Variants in AP2B1 observed in about 807,000 individuals in gnomAD.
The protein encoded by AP2B1 is adaptor related protein complex 2 subunit beta 1.
AP2B1 carries 23 observed loss-of-function variants against 102.0 expected under a neutral mutation model. That is an observed-to-expected ratio of 0.23 (90% CI 0.16 to 0.32). The LOEUF (loss-of-function observed/expected upper bound fraction) is 0.32, where lower values mean the gene tolerates loss of function less well. AP2B1 is among the 10% of genes least tolerant of loss of function. The pLI is 1.00. For synonymous variants in AP2B1, 381 were observed against 421.2 expected (o/e 0.90, Z 1.17); for missense variants, 541 against 1,157.4 (o/e 0.47, Z 7.73).
At chr17:35,651,082 A>C (rs962277477) in intron 13 of AP2B1, 1 of 286,396 alleles carries the variant, frequency 3.5e-6, no homozygotes, top group East Asian at 7.2e-5. Flanking sequence ...TTCTAAATTG[A>C]TAAAGTCTGA....
chr17:35,725,538 T>C lies in AP2B1; in HGVS notation c.*1839T>C, dbSNP rs1190905643. The C allele has an allele frequency of 6.6e-6, 1 of 151,678 alleles. No individual in the cohort carries two copies. The highest frequency in any genetic ancestry group is 1.5e-5 in the Non-Finnish European group (1 of 67,962). The allele number at this position is 151,678 out of a possible 1,614,324, so 9.4% of individuals were successfully genotyped here. A position where few individuals can be genotyped will look rare whatever the true frequency, so the allele number is the denominator to read the frequency against. ...ACCTTGAGAATCTCCAAGAGAAAAA[T>C]ATTTGGGGAAGGAGGGAGGAAATAT... On this transcript the variant is annotated 3_prime_UTR_variant, in exon 22 of 22. Coordinates refer to ENST00000610402, the MANE Select transcript of AP2B1 (RefSeq NM_001030006.2).
At chr17:35,686,932 G>A (rs1282753532) in intron 18 of AP2B1, among the ~76,000 whole-genome samples, 4 of 152,118 alleles carry the variant, frequency 2.6e-5, no homozygotes, top group Non-Finnish European at 4.4e-5. Flanking sequence ...AGCTGAGATC[G>A]CGCCACTGCA....
chr17:35,717,097 G>C, intron 20 of AP2B1, 98 bp from the exon 21 acceptor site: 1 of 1,349,818 alleles, frequency 7.4e-7, no homozygotes. Flanking sequence ...TACTTGTCAG[G>C]GAACTGAACA....
At chr17:35,619,296 C>T (rs988029451) in intron 5 of AP2B1, among the ~76,000 whole-genome samples, 1 of 152,156 alleles carries the variant, frequency 6.6e-6, no homozygotes, top group Non-Finnish European at 1.5e-5. Context: ...TCTTTTATCT[C>T]TGTAAAACTC....
intron 19 of AP2B1, 149 bp from the exon 20 acceptor site, chr17:35,710,085 T>G (rs1218872607): frequency 8.8e-6 from 6 of 680,914 alleles, no homozygotes; most frequent in Non-Finnish European, 1.6e-5. Context: ...ATAGCACTTT[T>G]GTAGAGCTCA....
At chr17:35,611,389 T>C (rs558394802) in intron 5 of AP2B1, among the ~76,000 whole-genome samples, 2 of 152,224 alleles carry the variant, frequency 1.3e-5, no homozygotes, top group Non-Finnish European at 2.9e-5. Flanking sequence ...TCTATGCTAA[T>C]GTAAATTCTT....
intron 9 of AP2B1, among the ~76,000 whole-genome samples, chr17:35,634,946 T>A (rs1208147286): frequency 1.3e-5 from 2 of 152,178 alleles, no homozygotes; most frequent in African/African-American, 4.8e-5. Flanking sequence ...TACTTCTATC[T>A]CCTGGCCATC....
intron 9 of AP2B1, among the ~76,000 whole-genome samples, chr17:35,631,082 A>G (rs2074448386): frequency 6.6e-6 from 1 of 152,170 alleles, no homozygotes; most frequent in Non-Finnish European, 1.5e-5. Flanking sequence ...AATAAATAGC[A>G]CTGAAAAAGC....
In AP2B1 at chr17:35,671,817, G is replaced by A. The variant is rs1186868935; in HGVS notation, c.2095G>A (p.Val699Met). The A allele has an allele frequency of 3.1e-6, 5 of 1,613,740 alleles. No individual in the cohort carries two copies. The highest frequency in any genetic ancestry group is 1.3e-5 in the African/African-American group (1 of 74,916). ...ATFAPSPTPA[V>M]VSSGLNDLFE... is the part of the protein sequence containing the mutation. ...CTTTGCTCCTTCACCTACACCTGCT[G>A]TGGTCAGCAGTGGACTGAATGACCT... Residue 699 changes from valine to methionine, a missense_variant, in exon 16 of 22, where the codon GTG becomes ATG. Coordinates refer to ENST00000610402, the MANE Select transcript of AP2B1 (RefSeq NM_001030006.2).
chr17:35,670,290 A>C (rs1254169757), intron 14 of AP2B1, among the ~76,000 whole-genome samples: 1 of 152,242 alleles, frequency 6.6e-6, no homozygotes, highest in Non-Finnish European at 1.5e-5. Flanking sequence ...TCCAAACTCT[A>C]AAAATCACTT....
At chr17:35,631,846 C>T (rs1052648156) in intron 9 of AP2B1, among the ~76,000 whole-genome samples, 5 of 152,150 alleles carry the variant, frequency 3.3e-5, no homozygotes, top group African/African-American at 9.7e-5. Context: ...TCACTCATGT[C>T]CTCTGCACCT....
chr17:35,634,410 T>C (rs2074548822), intron 9 of AP2B1, among the ~76,000 whole-genome samples: 1 of 152,344 alleles, frequency 6.6e-6, no homozygotes, highest in Non-Finnish European at 1.5e-5. Flanking sequence ...TTGCATCTTA[T>C]CAGGAGGCAC....
intron 1 of AP2B1, among the ~76,000 whole-genome samples, chr17:35,592,734 G>T (rs891122167): frequency 6.6e-6 from 1 of 152,088 alleles, no homozygotes; most frequent in Non-Finnish European, 1.5e-5. Context: ...GCAGAGACAG[G>T]ATTTCACCAT....
chr17:35,616,586 C>T (rs780680341), intron 5 of AP2B1, among the ~76,000 whole-genome samples: 1 of 152,144 alleles, frequency 6.6e-6, no homozygotes, highest in South Asian at 2.1e-4. Flanking sequence ...CTTACGTAAC[C>T]GTGGTACATT....
intron 6 of AP2B1, among the ~76,000 whole-genome samples, chr17:35,624,822 T>C (rs1157819626): frequency 6.6e-6 from 1 of 152,148 alleles, no homozygotes; most frequent in Non-Finnish European, 1.5e-5. Flanking sequence ...AAAATCTCTT[T>C]TATCGTCTTA....
At chr17:35,718,355 T>C (rs931718455) in intron 21 of AP2B1, among the ~76,000 whole-genome samples, 44 of 139,932 alleles carry the variant, frequency 3.1e-4, no homozygotes, top group African/African-American at 1.1e-3. Context: ...TGTGTGTGTG[T>C]GTGCTCGCTC....
chr17:35,663,073 A>AT (rs903572100), intron 14 of AP2B1, among the ~76,000 whole-genome samples: 2 of 152,100 alleles, frequency 1.3e-5, no homozygotes, highest in Non-Finnish European at 2.9e-5. Context: ...TAGTTTTGAG[A>AT]TTTTTTAGCC....
chr17:35,723,948 T>C lies in AP2B1; in HGVS notation c.*249T>C, dbSNP rs1195524177. 7.3e-6 allele frequency: 3 copies of C among 413,734 alleles called. No homozygotes were observed. Among genetic ancestry groups the C allele is most frequent in the Non-Finnish European group, 1.3e-5 (3 of 228,452 alleles). The allele number at this position is 413,734 out of a possible 1,614,324, so 25.6% of individuals were successfully genotyped here. On this transcript the variant is annotated 3_prime_UTR_variant, in exon 22 of 22. Transcript: ENST00000610402. ...ACCTGCTGCTGCTATCTGTCCTTACTTGTGGGCTTCTCCATGCTGTGCCAA... is the reference window on the plus strand; with the variant it reads ...ACCTGCTGCTGCTATCTGTCCTTACCTGTGGGCTTCTCCATGCTGTGCCAA...
At position 35,641,866 on chromosome 17, in the gene AP2B1, T is replaced by C; in HGVS notation, c.1438-11T>C. The stretch of plus-strand genomic sequence containing the variant: ...CATTCTTTCACACTATCACAAATTA[T>C]GTCTGTTTAGGTGCAGCTCACTCTG... On this transcript the variant is annotated splice_polypyrimidine_tract_variant and intron_variant, in intron 11 of 21. Transcript: ENST00000610402. The C allele has an allele frequency of 6.3e-7, 1 of 1,590,800 alleles. No homozygotes were observed. Among genetic ancestry groups the C allele is most frequent in the Non-Finnish European group, 8.6e-7 (1 of 1,162,126 alleles).
Sources: allele counts gnomAD v4.1 joint callset (sites outside exome capture counted in the v4.1 genomes callset), GRCh38; gene constraint gnomAD v4.1.1; transcripts MANE v1.5; gene names NCBI Gene and HGNC (gene_info 2026-07-23, HGNC 2026-07-21).